Variants in PAPOLG observed in about 807,000 individuals in gnomAD.
The protein encoded by PAPOLG is poly(A) polymerase gamma.
PAPOLG carries 40 observed loss-of-function variants against 99.0 expected under a neutral mutation model. The observed-to-expected ratio is 0.40, with a 90% CI of 0.31 to 0.53. PAPOLG has a LOEUF of 0.53. Among genes scored for constraint, PAPOLG ranks in the 20% least tolerant of loss-of-function variants. The pLI, the probability that PAPOLG is intolerant of heterozygous loss-of-function variation, is 0.41. For missense variants in PAPOLG, 675 were observed against 884.1 expected, an observed-to-expected ratio of 0.76 and a Z score of 3.00; for synonymous variants, 310 against 299.3, an observed-to-expected ratio of 1.04 and a Z score of -0.37.
At position 60,783,177 on chromosome 2, in the gene PAPOLG, C is replaced by T. The variant is rs956791261; in HGVS notation, c.1134C>T (p.Ala378=). The T allele has an allele frequency of 1.3e-6, 2 of 1,592,504 alleles. No homozygotes were observed. Among genetic ancestry groups the T allele is most frequent in the Admixed American group, 3.5e-5 (2 of 57,040 alleles). Residue 378 remains alanine (A), a synonymous_variant, in exon 13 of 22, where the codon GCC becomes GCT. Transcript: ENST00000238714. The stretch of plus-strand genomic sequence containing the variant: ...TCAGACATTATATAGTATTGACTGC[C>T]AGCGCATCAACAGAAGAAAACCATC... ...QKYRHYIVLT[A]SASTEENHLE...
At position 60,768,791 on chromosome 2, in the gene PAPOLG, T is replaced by G; in HGVS notation, c.339T>G (p.Ile113Met). The change falls in exon 5 of 22, where the codon ATT (isoleucine) becomes ATG (methionine). Residue 113 changes from isoleucine to methionine, a missense_variant. By Grantham distance (10) the Ile-to-Met change is conservative (BLOSUM62 1). Transcript: ENST00000238714. ...RLGVHTKGADIDALCVAPRHV... is the reference protein window; with the variant it reads ...RLGVHTKGADMDALCVAPRHV... ...TACTTTAATTTACAGGAGCTGACATTGATGCACTTTGTGTAGCTCCAAGAC... is the reference window on the plus strand; with the variant it reads ...TACTTTAATTTACAGGAGCTGACATGGATGCACTTTGTGTAGCTCCAAGAC... 2.6e-6 allele frequency: 4 copies of G among 1,565,776 alleles called. No individual in the cohort carries two copies. Among genetic ancestry groups the G allele is most frequent in the Non-Finnish European group, 3.5e-6 (4 of 1,155,012 alleles).
At chr2:60,766,232 A>G (rs1670670850) in intron 3 of PAPOLG, among the ~76,000 whole-genome samples, 1 of 152,246 alleles carries the variant, frequency 6.6e-6, no homozygotes, top group Non-Finnish European at 1.5e-5. Flanking sequence ...GAAGTCAGTA[A>G]ATATAGCAAA....
Position 60,780,765 on chromosome 2 carries a change from G to T in PAPOLG, c.892G>T (p.Val298Phe), listed in dbSNP as rs748418662. 1 of 1,613,140 alleles carries T rather than the reference G, an allele frequency of 6.2e-7. No individual in the cohort carries two copies. The highest frequency in any genetic ancestry group is 2.2e-5 in the East Asian group (1 of 44,884). ...QPEESNLNLP[V>F]WDPRVNPSDR... The stretch of plus-strand genomic sequence containing the variant: ...AGAAGAAAGCAATTTGAATTTGCCT[G>T]TCTGGGATCCTCGGGTATGTGATTT... The change falls in exon 10 of 22, where the codon GTC becomes TTC. Residue 298 changes from valine (V) to phenylalanine (F), a missense_variant. By Grantham distance (50) the Val-to-Phe change is conservative. Coordinates refer to ENST00000238714, the MANE Select transcript of PAPOLG (RefSeq NM_022894.4).
intron 6 of PAPOLG, among the ~76,000 whole-genome samples, chr2:60,771,040 T>G (rs182257689): frequency 1.3e-5 from 2 of 152,356 alleles, no homozygotes; most frequent in South Asian, 2.1e-4. Flanking sequence ...TTATCTGCTT[T>G]CTTAGGTCTA....
At position 60,770,521 on chromosome 2, in the gene PAPOLG, T is replaced by C. The variant is rs762684381; in HGVS notation, c.492+10T>C. ...ATTTGATGGTATTGAAGTAAGTGTTTAATATTTTTCTGACTTTACAATTGA... is the reference window on the plus strand; with the variant it reads ...ATTTGATGGTATTGAAGTAAGTGTTCAATATTTTTCTGACTTTACAATTGA... On this transcript the variant is annotated intron_variant, in intron 6 of 21. Transcript: ENST00000238714. The C allele has an allele frequency of 1.3e-6, 2 of 1,536,178 alleles. No individual in the cohort carries two copies. Among genetic ancestry groups the C allele is most frequent in the South Asian group, 2.4e-5 (2 of 83,888 alleles).
chr2:60,776,428 T>C (rs1232575497), intron 8 of PAPOLG, among the ~76,000 whole-genome samples: 1 of 140,994 alleles, frequency 7.1e-6, no homozygotes, highest in Admixed American at 7.0e-5. Context: ...ATTTTTTTTT[T>C]TTTTTTTTTT....
chr2:60,757,890 G>T (rs182162118), intron 1 of PAPOLG, among the ~76,000 whole-genome samples: 163 of 152,236 alleles, frequency 1.1e-3, no homozygotes, highest in African/African-American at 3.7e-3. Flanking sequence ...GAATTTTAGG[G>T]CCAGTAGGCT....
At chr2:60,762,653 A>G (rs1670553939) in intron 3 of PAPOLG, among the ~76,000 whole-genome samples, 1 of 150,916 alleles carries the variant, frequency 6.6e-6, no homozygotes, top group South Asian at 2.1e-4. Flanking sequence ...TTGAGATGGA[A>G]TCTCCCTCTT....
intron 10 of PAPOLG, among the ~76,000 whole-genome samples, chr2:60,781,504 C>T (rs1246972871): frequency 1.3e-5 from 2 of 152,136 alleles, no homozygotes; most frequent in East Asian, 1.9e-4. Flanking sequence ...AGAGTGAGTG[C>T]TCATTCCTCT....
chr2:60,774,574 C>T (rs938492660), intron 7 of PAPOLG, among the ~76,000 whole-genome samples: 1 of 152,132 alleles, frequency 6.6e-6, no homozygotes, highest in African/African-American at 2.4e-5. Context: ...CCATTTTGGC[C>T]AGACTGGTCT....
chr2:60,775,053 A>G lies in PAPOLG; in HGVS notation c.624A>G (p.Glu208=), dbSNP rs772592966. 2.5e-6 allele frequency: 4 copies of G among 1,613,306 alleles called. No homozygotes were observed. In the Admixed American group the frequency reaches 5.0e-5, roughly 20 times the overall value. Reference sequence around the variant, plus strand: ...TTTCAGGTTGTAGAGTTACTGATGAAATTTTGCATTTAGTGCCAAATAAAG... The same window carrying G: ...TTTCAGGTTGTAGAGTTACTGATGAGATTTTGCATTTAGTGCCAAATAAAG... ...RSLNGCRVTD[E]ILHLVPNKET... The change falls in exon 8 of 22, where the codon GAA becomes GAG. Residue 208 remains glutamate (E), a synonymous_variant. Coordinates refer to ENST00000238714, the MANE Select transcript of PAPOLG (RefSeq NM_022894.4).
chr2:60,768,983 G>A lies in PAPOLG; in HGVS notation c.438+93G>A, dbSNP rs541387934. 2.3e-4 allele frequency: 213 copies of A among 908,178 alleles called. 2 individuals are homozygous for A. In the East Asian group the frequency reaches 5.6e-3, roughly 24 times the overall value. 56.3% of individuals were successfully genotyped at this position (908,178 alleles called of 1,614,324 possible). ...TTAAAACTATTGAAATACCTTCTAA[G>A]TTACTATTAGGAGGTATTTAATAAG... On this transcript the variant is annotated intron_variant, in intron 5 of 21. Coordinates refer to ENST00000238714, the MANE Select transcript of PAPOLG (RefSeq NM_022894.4).
chr2:60,787,115 G>A (rs373419183), intron 14 of PAPOLG, 49 bp downstream of exon 14: 25 of 1,417,532 alleles, frequency 1.8e-5, no homozygotes, highest in Non-Finnish European at 2.3e-5. Context: ...ATGTTATTTG[G>A]TATATGCATC....
chr2:60,765,427 G>A (rs1278849614), intron 3 of PAPOLG, among the ~76,000 whole-genome samples: 1 of 144,268 alleles, frequency 6.9e-6, no homozygotes, highest in Non-Finnish European at 1.5e-5. Context: ...AAAAAGTGAC[G>A]AGGTCTCACT....
At chr2:60,766,717 C>T (rs533975243) in intron 3 of PAPOLG, among the ~76,000 whole-genome samples, 1 of 146,752 alleles carries the variant, frequency 6.8e-6, no homozygotes, top group East Asian at 2.0e-4. Flanking sequence ...AAAAGATGCC[C>T]AGAAAGAATG....
intron 15 of PAPOLG, among the ~76,000 whole-genome samples, chr2:60,787,859 C>G (rs1006057339): frequency 6.6e-6 from 1 of 152,128 alleles, no homozygotes; most frequent in Admixed American, 6.6e-5. Context: ...CGAGACCAGC[C>G]TGGCTAATAC....
At chr2:60,778,222 C>T (rs1671079463) in intron 8 of PAPOLG, among the ~76,000 whole-genome samples, 1 of 152,194 alleles carries the variant, frequency 6.6e-6, no homozygotes, top group African/African-American at 2.4e-5. Flanking sequence ...TTATAGCTCA[C>T]TGCAGCCTCA....
intron 9 of PAPOLG, among the ~76,000 whole-genome samples, chr2:60,780,256 TTGTA>T (rs1402839806): frequency 6.6e-6 from 1 of 151,976 alleles, no homozygotes; most frequent in East Asian, 1.9e-4. Context: ...AGCCTTTCCT[TTGTA>T]TACTTTCTTA....
chr2:60,763,564 C>A (rs571328328), intron 3 of PAPOLG, among the ~76,000 whole-genome samples: 99 of 152,252 alleles, frequency 6.5e-4, no homozygotes, highest in Non-Finnish European at 1.2e-3. Context: ...AGTGCAGTGG[C>A]GAGATCTCAG....
Sources: gnomAD v4.1 joint callset for allele counts (sites outside exome capture counted in the v4.1 genomes callset) on GRCh38, gnomAD v4.1.1 for gene constraint, MANE v1.5 for transcripts, NCBI Gene and HGNC (gene_info 2026-07-23, HGNC 2026-07-21) for gene names.